ARSD: variants seen among roughly 807,000 people sequenced by gnomAD.
ARSD encodes testis tissue sperm-binding protein Li 39a.
Under a neutral mutation model 32.6 loss-of-function variants are expected in ARSD, and 21 were observed. The observed-to-expected ratio is 0.64, with a 90% CI of 0.46 to 0.93. ARSD has a LOEUF of 0.93. Among genes scored for constraint, ARSD ranks in the 40% least tolerant of loss-of-function variants. The pLI is 0.00. For synonymous variants in ARSD, 224 were observed against 237.4 expected (o/e 0.94, Z 0.52); for missense variants, 454 against 520.9 (o/e 0.87, Z 1.25).
chrX:2,914,112 T>C, intron 6 of ARSD: 1 of 746,706 alleles, frequency 1.3e-6, no homozygotes, highest in Non-Finnish European at 1.6e-6. Flanking sequence ...CTCAGGTATT[T>C]CTTTGCAAGA....
At chrX:2,909,765 A>C (rs1288253456) in intron 8 of ARSD, 52 bp downstream of exon 8, 67 of 1,116,188 alleles carry the variant, frequency 6.0e-5, no homozygotes, top group African/African-American at 1.9e-4. Flanking sequence ...AAAAAAAAAA[A>C]CTAAAAACAA....
chrX:2,909,406 T>G (rs1332447817), intron 8 of ARSD, among the ~76,000 whole-genome samples: 1 of 111,304 alleles, frequency 9.0e-6, no homozygotes, highest in Non-Finnish European at 1.9e-5. Flanking sequence ...CAGGCTGGTC[T>G]CGAATTCCTG....
intron 6 of ARSD, among the ~76,000 whole-genome samples, chrX:2,911,669 CA>C (rs1289160928): frequency 0.17 from 4,872 of 28,437 alleles, 158 homozygotes; most frequent in East Asian, 0.49. Flanking sequence ...GACTCCATCT[CA>C]AAAAAAAAAA....
At chrX:2,917,060 T>C (rs1167627267) in intron 5 of ARSD, among the ~76,000 whole-genome samples, 7 of 60,460 alleles carry the variant, frequency 1.2e-4, no homozygotes, top group South Asian at 8.7e-4. Flanking sequence ...TAGTGAGACA[T>C]TGTCTCAAAA....
rs773711589 is a variant in ARSD at position 2,921,040 on chromosome X, G to A, written c.317-317C>T. 4.0e-4 allele frequency among the ~76,000 whole-genome samples: 45 copies of A among 111,399 alleles called. No homozygotes were observed. The South Asian group carries it at 0.016, about 39-fold the overall frequency. ...GTGTGGTGCTACTCGTATCGGGTGC[G>A]TGGAGCCGAGTGATGCTGCTCAAGA... On this transcript the variant is annotated intron_variant, in intron 3 of 9. Coordinates refer to ENST00000381154, the MANE Select transcript of ARSD (RefSeq NM_001669.4).
At chrX:2,913,362 G>A in intron 6 of ARSD, 2 of 177,989 alleles carry the variant, frequency 1.1e-5, no homozygotes, top group Non-Finnish European at 1.8e-5. Context: ...CATGCTGCGG[G>A]GGGTAGAATG....
chrX:2,929,221 G>T lies in ARSD; in HGVS notation c.44+11C>A. The stretch of plus-strand genomic sequence containing the variant: ...GCCTTAGTATGGGCCGCGTCCCGGG[G>T]TCCCAGGCACCTGGCGGCGGGCGCG... On this transcript the variant is annotated intron_variant, in intron 1 of 9. Coordinates refer to ENST00000381154, the MANE Select transcript of ARSD (RefSeq NM_001669.4). 1 of 1,042,178 alleles carries T rather than the reference G, an allele frequency of 9.6e-7. No individual in the cohort carries two copies. Among genetic ancestry groups the T allele is most frequent in the Non-Finnish European group, 1.2e-6 (1 of 818,919 alleles). The allele number at this position is 1,042,178 out of a possible 1,213,427, so 85.9% of individuals were successfully genotyped here. A position where few individuals can be genotyped will look rare whatever the true frequency, so the allele number is the denominator to read the frequency against.
At chrX:2,927,859 C>T (rs953272348) in intron 1 of ARSD, among the ~76,000 whole-genome samples, 13 of 111,375 alleles carry the variant, frequency 1.2e-4, no homozygotes, top group Non-Finnish European at 1.7e-4. Context: ...TCGCGGGCCA[C>T]CACTTCAGTT....
chrX:2,909,408 G>A (rs1401968661), intron 8 of ARSD, among the ~76,000 whole-genome samples: 1 of 111,019 alleles, frequency 9.0e-6, no homozygotes, highest in Non-Finnish European at 1.9e-5. Flanking sequence ...GGCTGGTCTC[G>A]AATTCCTGAC....
chrX:2,912,858 G>A (rs1164592406), intron 6 of ARSD, among the ~76,000 whole-genome samples: 1 of 112,231 alleles, frequency 8.9e-6, no homozygotes, highest in East Asian at 2.8e-4. Flanking sequence ...CTTTATCCCT[G>A]GAGGCCACTG....
At chrX:2,911,625 G>A (rs1162678218) in intron 6 of ARSD, among the ~76,000 whole-genome samples, 10 of 94,328 alleles carry the variant, frequency 1.1e-4, no homozygotes, top group Non-Finnish European at 1.4e-4. Flanking sequence ...AGCCGAGATC[G>A]CACCACTGCA....
chrX:2,913,668 A>C, intron 6 of ARSD: 1 of 985,297 alleles, frequency 1.0e-6, no homozygotes, highest in South Asian at 2.0e-5. Flanking sequence ...CATTGTCCGA[A>C]CTTTATTGCT....
intron 2 of ARSD, among the ~76,000 whole-genome samples, chrX:2,922,234 T>TCA (rs1263905604): frequency 9.1e-6 from 1 of 110,315 alleles, no homozygotes; most frequent in African/African-American, 3.3e-5. Flanking sequence ...TCTCTCTCTC[T>TCA]CTCACACACA....
intron 1 of ARSD, 137 bp downstream of exon 1, chrX:2,929,095 C>T: frequency 3.4e-6 from 2 of 591,431 alleles, no homozygotes; most frequent in Non-Finnish European, 4.6e-6. Flanking sequence ...ATTTTGGAGA[C>T]TACAAGGCGC....
intron 6 of ARSD, among the ~76,000 whole-genome samples, chrX:2,911,962 C>G (rs111721383): frequency 0.089 from 9,897 of 110,979 alleles, 545 homozygotes; most frequent in East Asian, 0.45. Context: ...ATGGTGAAAC[C>G]CTGTCTCTAC....
intron 5 of ARSD, among the ~76,000 whole-genome samples, chrX:2,916,057 G>A (rs377352410): frequency 1.1e-4 from 11 of 103,830 alleles, no homozygotes; most frequent in South Asian, 4.4e-4. Context: ...GCTTGAGCCC[G>A]GGAGGTGGAG....
chrX:2,915,402 G>A (rs775746942), intron 6 of ARSD, among the ~76,000 whole-genome samples, 154 bp downstream of exon 6: 4 of 111,956 alleles, frequency 3.6e-5, no homozygotes, highest in African/African-American at 9.7e-5. Context: ...TGATCCGCCC[G>A]CCTTGGCCTC....
chrX:2,926,114 A>G (rs1366518587), intron 1 of ARSD, among the ~76,000 whole-genome samples: 1 of 112,354 alleles, frequency 8.9e-6, no homozygotes, highest in Non-Finnish European at 1.9e-5. Context: ...TATATGTCTA[A>G]GTGTAAGTGT....
rs1382482130 is a variant in ARSD, at chrX:2,925,759, A to G, written c.51T>C (p.Ser17=). The change falls in exon 2 of 10, where the codon TCT becomes TCC. Residue 17 remains serine, a synonymous_variant. Transcript: ENST00000381154. The part of the protein sequence containing the change: ...RGRAAPAARD[S]LPVLLFLCLL... ...AGCATAAAAACAGTAGCACCGGCAAAGAGTCCCTGGAGAGAAAAGCGAAAC... is the reference window on the plus strand; with the variant it reads ...AGCATAAAAACAGTAGCACCGGCAAGGAGTCCCTGGAGAGAAAAGCGAAAC... 8.3e-7 allele frequency: 1 copy of G among 1,209,301 alleles called. No individual in the cohort carries two copies. The highest frequency in any genetic ancestry group is 1.1e-6 in the Non-Finnish European group (1 of 894,976).
Sources: allele counts gnomAD v4.1 joint callset (sites outside exome capture counted in the v4.1 genomes callset), GRCh38; gene constraint gnomAD v4.1.1; transcripts MANE v1.5; gene names NCBI Gene and HGNC (gene_info 2026-07-23, HGNC 2026-07-21).